The following DGKG variants were observed in gnomAD, a reference collection of about 807,000 sequenced individuals.
DGKG encodes the protein DAG kinase gamma.
A neutral mutation model predicts 105.3 loss-of-function variants in DGKG; 78 were observed. The observed-to-expected ratio is 0.74, with a 90% CI of 0.62 to 0.89. The LOEUF is 0.89. DGKG is among the 40% of genes least tolerant of loss of function. The probability of loss-of-function intolerance (pLI) is 0.00; values close to 1 mark genes in which losing one functional copy is unlikely to be tolerated. For missense variants in DGKG, 958 were observed against 1,020.1 expected (o/e 0.94, Z 0.83); for synonymous variants, 346 against 367.1 (o/e 0.94, Z 0.66).
At chr3:186,310,012 T>C (rs1724443369) in intron 2 of DGKG, among the ~76,000 whole-genome samples, 1 of 150,894 alleles carries the variant, frequency 6.6e-6, no homozygotes. Context: ...CTCACGCCTG[T>C]AATCCCAGCA....
At chr3:186,353,693 T>A (rs145767393) in intron 1 of DGKG, among the ~76,000 whole-genome samples, 238 of 123,440 alleles carry the variant, frequency 1.9e-3, no homozygotes, top group African/African-American at 6.6e-3. Flanking sequence ...TATATCTATA[T>A]CTATATCTAT....
intron 2 of DGKG, among the ~76,000 whole-genome samples, chr3:186,310,265 CAAAAAA>C (rs1165723037): frequency 6.0e-5 from 2 of 33,290 alleles, no homozygotes; most frequent in African/African-American, 9.0e-5. Context: ...GACTCCGTCT[CAAAAAA>C]AAAAAAAAAA....
chr3:186,184,170 C>T (rs2108497211), intron 22 of DGKG, among the ~76,000 whole-genome samples: 1 of 151,940 alleles, frequency 6.6e-6, no homozygotes, highest in African/African-American at 2.4e-5. Context: ...GGCACTTTCA[C>T]ATCCATCATC....
At chr3:186,230,424 C>A (rs28589621) in intron 20 of DGKG, among the ~76,000 whole-genome samples, 48,960 of 152,006 alleles carry the variant, frequency 0.32, 9,895 homozygotes, top group Non-Finnish European at 0.46. Context: ...GAGGAGATGT[C>A]ATCTAGGTTG....
chr3:186,281,623 G>A (rs1339998690), intron 7 of DGKG, among the ~76,000 whole-genome samples: 1 of 152,162 alleles, frequency 6.6e-6, no homozygotes, highest in Admixed American at 6.6e-5. Flanking sequence ...TTAAAAAATT[G>A]TATTTTATTT....
At chr3:186,270,902 T>C (rs917141125) in intron 11 of DGKG, among the ~76,000 whole-genome samples, 6 of 152,228 alleles carry the variant, frequency 3.9e-5, no homozygotes, top group Non-Finnish European at 7.3e-5. Context: ...CTGTTCTCTG[T>C]GTGACAGGTG....
In DGKG at chr3:186,150,017, C is replaced by G. The variant is rs916919200; in HGVS notation, c.*73G>C. The G allele has an allele frequency of 1.3e-6, 2 of 1,542,628 alleles. No homozygotes were observed. Among genetic ancestry groups the G allele is most frequent in the African/African-American group, 2.8e-5 (2 of 72,024 alleles). ...GTGTGTGTGCATGTGTGAGTGTGCA[C>G]ATAAATTGTGTGTGAGTGTGCATTA... On this transcript the variant is annotated 3_prime_UTR_variant, in exon 25 of 25. Transcript: ENST00000265022.
At chr3:186,340,311 G>T (rs570806386) in intron 1 of DGKG, among the ~76,000 whole-genome samples, 1 of 152,310 alleles carries the variant, frequency 6.6e-6, no homozygotes, top group South Asian at 2.1e-4. Flanking sequence ...TCTGCTTGCA[G>T]GGGTTAGGAG....
chr3:186,276,000 TATC>T (rs1430175408), intron 9 of DGKG, among the ~76,000 whole-genome samples: 2 of 151,604 alleles, frequency 1.3e-5, no homozygotes, highest in African/African-American at 4.9e-5. Flanking sequence ...ATCTATTATC[TATC>T]ATCTATCTAT....
In DGKG at chr3:186,149,365, T is replaced by A. The variant is rs58473070; in HGVS notation, c.*725A>T. ...TAAATACCACATCTAAGGTGTGCTATGCAGGCAGCTCTGGGGGCTCTTGGA... is the reference window on the plus strand; with the variant it reads ...TAAATACCACATCTAAGGTGTGCTAAGCAGGCAGCTCTGGGGGCTCTTGGA... On this transcript the variant is annotated 3_prime_UTR_variant, in exon 25 of 25. Transcript: ENST00000265022. 3 of 985,304 alleles carry A rather than the reference T, an allele frequency of 3.0e-6. No homozygotes were observed. The highest frequency in any genetic ancestry group is 3.6e-6 in the Non-Finnish European group (3 of 829,966). 61.0% of individuals were successfully genotyped at this position (985,304 alleles called of 1,614,324 possible). A position where few individuals can be genotyped will look rare whatever the true frequency, so the allele number is the denominator to read the frequency against.
chr3:186,251,857 G>A lies in DGKG; in HGVS notation c.1663C>T (p.Leu555=). The A allele has an allele frequency of 1.2e-6, 2 of 1,612,640 alleles. No individual in the cohort carries two copies. The highest frequency in any genetic ancestry group is 2.7e-5 in the African/African-American group (2 of 75,010). The part of the protein sequence containing the change: ...KDIEQSPLVM[L]DRWHLEVIPR... The stretch of plus-strand genomic sequence containing the variant: ...ATGACTTCCAGATGCCAGCGGTCCA[G>A]CATCACCAAGGGGCTCTGCTCAATG... The change falls in exon 19 of 25, where the codon CTG becomes TTG. Residue 555 remains leucine, a synonymous_variant. Coordinates refer to ENST00000265022, the MANE Select transcript of DGKG (RefSeq NM_001346.3).
In DGKG at chr3:186,161,208, C is replaced by T. The variant is rs779666452; in HGVS notation, c.2277+395G>A. 13 of 993,156 alleles carry T rather than the reference C, an allele frequency of 1.3e-5. No homozygotes were observed. In the Admixed American group the frequency reaches 1.8e-4, roughly 14 times the overall value. The allele number at this position is 993,156 out of a possible 1,614,324, so 61.5% of individuals were successfully genotyped here. On this transcript the variant is annotated intron_variant, in intron 24 of 24. Transcript: ENST00000265022. Reference sequence around the variant, plus strand: ...GGTAAGTGTGTAGATTTGGCTTCCACGTAAGGAAGCAATTTGACTTGTTCA... The same window carrying T: ...GGTAAGTGTGTAGATTTGGCTTCCATGTAAGGAAGCAATTTGACTTGTTCA...
At chr3:186,287,397 A>G (rs1218201484) in intron 6 of DGKG, among the ~76,000 whole-genome samples, 1 of 152,224 alleles carries the variant, frequency 6.6e-6, no homozygotes, top group Non-Finnish European at 1.5e-5. Context: ...TATAAACACA[A>G]CAAGATTGAC....
chr3:186,257,677 A>C (rs1030940426), intron 17 of DGKG, 177 bp downstream of exon 17: 9 of 548,884 alleles, frequency 1.6e-5, no homozygotes, highest in Admixed American at 3.2e-5. Context: ...CGATTGTCTT[A>C]TTTCTTTTTT....
At chr3:186,277,177 T>A (rs1427298061) in intron 9 of DGKG, among the ~76,000 whole-genome samples, 1 of 152,238 alleles carries the variant, frequency 6.6e-6, no homozygotes, top group African/African-American at 2.4e-5. Flanking sequence ...AACATCTACC[T>A]CAAGGGCTTT....
At chr3:186,225,299 C>A (rs561913884) in intron 20 of DGKG, among the ~76,000 whole-genome samples, 1 of 151,964 alleles carries the variant, frequency 6.6e-6, no homozygotes. Context: ...ATCTAGGAAC[C>A]CTTTGTCAAT....
chr3:186,205,651 A>G (rs1053785815), intron 21 of DGKG, among the ~76,000 whole-genome samples: 2 of 151,984 alleles, frequency 1.3e-5, no homozygotes, highest in Non-Finnish European at 2.9e-5. Context: ...AAGGGGTTTC[A>G]GTGGGCTGAG....
At chr3:186,239,775 G>A (rs1299812520) in intron 20 of DGKG, among the ~76,000 whole-genome samples, 2 of 152,170 alleles carry the variant, frequency 1.3e-5, no homozygotes, top group African/African-American at 4.8e-5. Flanking sequence ...CAGGTGAAGA[G>A]TGAGCTGAGA....
intron 1 of DGKG, among the ~76,000 whole-genome samples, chr3:186,359,031 C>T (rs990489695): frequency 3.3e-5 from 5 of 152,112 alleles, no homozygotes; most frequent in Admixed American, 6.5e-5. Context: ...TAATCCCTCC[C>T]GAGTGTATAA....
Sources: allele counts gnomAD v4.1 joint callset (sites outside exome capture counted in the v4.1 genomes callset), GRCh38; gene constraint gnomAD v4.1.1; transcripts MANE v1.5; gene names NCBI Gene and HGNC (gene_info 2026-07-23, HGNC 2026-07-21).